The following PTK6 variants were observed in gnomAD, a reference collection of about 807,000 sequenced individuals.
The protein encoded by PTK6 is protein tyrosine kinase 6.
Under a neutral mutation model 47.5 loss-of-function variants are expected in PTK6, and 47 were observed. The ratio of observed to expected loss-of-function variants is 0.99; its 90% CI spans 0.78 to 1.26. The LOEUF is 1.26. Ranked by LOEUF, PTK6 falls within the 50% of genes most tolerant of loss-of-function variation. The pLI, the probability that PTK6 is intolerant of heterozygous loss-of-function variation, is 0.00. For synonymous variants in PTK6, 287 were observed against 276.5 expected (o/e 1.04, Z -0.38); for missense variants, 618 against 625.3 (o/e 0.99, Z 0.12).
At position 63,529,972 on chromosome 20, in the gene PTK6, G is replaced by A; in HGVS notation, c.1168+106C>T. 1.4e-6 allele frequency: 2 copies of A among 1,393,676 alleles called. No homozygotes were observed. The highest frequency in any genetic ancestry group is 2.0e-6 in the Non-Finnish European group (2 of 1,020,876). 86.3% of individuals were successfully genotyped at this position (1,393,676 alleles called of 1,614,324 possible). A position where few individuals can be genotyped will look rare whatever the true frequency, so the allele number is the denominator to read the frequency against. On this transcript the variant is annotated intron_variant, in intron 7 of 7. Transcript: ENST00000542869. This position sits in a 1 kb window ranked among gnomAD's most constrained non-coding sequence, Gnocchi z 5.6. ...TGGAGTTCAGGCGATGGCCCGCGGA[G>A]GGCCCTGAAGCCCGTGGGGGAGGCA... is the stretch of plus-strand genomic sequence containing the variant.
In PTK6 at chr20:63,529,478, A is replaced by G; in HGVS notation, c.*58T>C. ...GCGCGTGGGCCTTGATCCCAGGTCC[A>G]GGCCCTCTGCCCAGGCCCCTCCTCA... On this transcript the variant is annotated 3_prime_UTR_variant, in exon 8 of 8. Transcript: ENST00000542869. The surrounding 1 kb of genome is among the most constrained non-coding windows in gnomAD (Gnocchi z 5.6). 1 of 1,467,540 alleles carries G rather than the reference A, an allele frequency of 6.8e-7. No homozygotes were observed. The highest frequency in any genetic ancestry group is 9.0e-7 in the Non-Finnish European group (1 of 1,107,468). The allele number at this position is 1,467,540 out of a possible 1,614,324, so 90.9% of individuals were successfully genotyped here.
chr20:63,534,181 C>T lies in PTK6; in HGVS notation c.487G>A (p.Gly163Ser), dbSNP rs756347319. The T allele has an allele frequency of 1.3e-4, 207 of 1,564,844 alleles. No individual in the cohort carries two copies. The highest frequency in any genetic ancestry group is 1.6e-4 in the Non-Finnish European group (186 of 1,156,098). Residue 163 changes from glycine to serine, a missense_variant, in exon 3 of 8, where the codon GGC becomes AGC. Coordinates refer to ENST00000542869, the MANE Select transcript of PTK6 (RefSeq NM_005975.4). ...NYHRAQSLSH[G>S]LRLAAPCRKH... is the part of the protein sequence containing the mutation. ...CGGCAGGGCGCGGCCAGCCGCAGGC[C>T]GTGGGACAGGCTCTGGGCCCTGTGG...
chr20:63,528,218 C>T lies in PTK6; in HGVS notation c.*1318G>A, dbSNP rs1025058396. On this transcript the variant is annotated 3_prime_UTR_variant, in exon 8 of 8. Coordinates refer to ENST00000542869, the MANE Select transcript of PTK6 (RefSeq NM_005975.4). ...AGTTTCTGCAACATTCATATCAAAACCAAACCCGTAAATAGAACCTCCAGA... is the reference window on the plus strand; with the variant it reads ...AGTTTCTGCAACATTCATATCAAAATCAAACCCGTAAATAGAACCTCCAGA... 1 of 152,112 alleles carries T rather than the reference C, an allele frequency of 6.6e-6. No individual in the cohort carries two copies. Among genetic ancestry groups the T allele is most frequent in the African/African-American group, 2.4e-5 (1 of 41,412 alleles). 9.4% of individuals were successfully genotyped at this position (152,112 alleles called of 1,614,324 possible).
chr20:63,530,456 G>C lies in PTK6; in HGVS notation c.1015-225C>G, dbSNP rs1393796513. Among the ~76,000 whole-genome samples, 4 of 152,220 alleles carry C rather than the reference G, an allele frequency of 2.6e-5. No homozygotes were observed. The highest frequency in any genetic ancestry group is 5.9e-5 in the Non-Finnish European group (4 of 68,024). ...TGTGTGGGGACCGGAGGGCCCGGGG[G>C]ACAGGGAACTGGGAGGCTCCCAGGC... On this transcript the variant is annotated intron_variant, in intron 6 of 7. Transcript: ENST00000542869. This position sits in a 1 kb window ranked among gnomAD's most constrained non-coding sequence, Gnocchi z 4.1.
In PTK6 at chr20:63,534,300, G is replaced by T; in HGVS notation, c.368C>A (p.Ala123Asp). The change falls in exon 3 of 8, where the codon GCT (alanine) becomes GAT (aspartate). Residue 123 changes from alanine (A) to aspartate (D), a missense_variant. Coordinates refer to ENST00000542869, the MANE Select transcript of PTK6 (RefSeq NM_005975.4). The part of the protein sequence containing the change: ...DYVLSVRDTQ[A>D]VRHYKIWRRA... ...CCGCCAGATCTTGTAGTGCCGCACA[G>T]CCTGCGTGTCCCGCACTGGGAGGGA... is the stretch of plus-strand genomic sequence containing the variant. The T allele has an allele frequency of 6.2e-7, 1 of 1,605,544 alleles. No individual in the cohort carries two copies. Among genetic ancestry groups the T allele is most frequent in the South Asian group, 1.1e-5 (1 of 89,852 alleles).
chr20:63,532,395 G>T (rs1161996474), intron 5 of PTK6, 131 bp downstream of exon 5: 6 of 1,188,112 alleles, frequency 5.1e-6, no homozygotes, highest in Non-Finnish European at 7.0e-6. Flanking sequence ...CTGTGTCTGT[G>T]TGTGCATGTG....
At chr20:63,535,479 G>A (rs960043677) in intron 1 of PTK6, among the ~76,000 whole-genome samples, 1 of 152,034 alleles carries the variant, frequency 6.6e-6, no homozygotes, top group African/African-American at 2.4e-5. Flanking sequence ...ACGCGCATGT[G>A]TGCTCACTTG....
chr20:63,532,764 C>A (rs987008605), intron 4 of PTK6, 77 bp from the exon 5 acceptor site: 7 of 1,533,612 alleles, frequency 4.6e-6, no homozygotes, highest in East Asian at 2.3e-5. Flanking sequence ...GCCCTGCCCC[C>A]ACACACAGCA....
chr20:63,534,255 T>C lies in PTK6; in HGVS notation c.413A>G (p.His138Arg), dbSNP rs757424832. 1 of 1,607,940 alleles carries C rather than the reference T, an allele frequency of 6.2e-7. No individual in the cohort carries two copies. Among genetic ancestry groups the C allele is most frequent in the South Asian group, 1.1e-5 (1 of 90,026 alleles). Residue 138 changes from histidine to arginine, a missense_variant, in exon 3 of 8, where the codon CAC becomes CGC. Transcript: ENST00000542869. ...GAGGAAGGACACCGCCTCGTTCAGG[T>C]GCAGCCGGCCCCCGGCACGCCGCCA... ...KIWRRAGGRL[H>R]LNEAVSFLSL...
Position 63,533,718 on chromosome 20 carries a change from C to T in PTK6, c.517-14G>A, listed in dbSNP as rs745712160. ...CTCAGGCTCGTGCTGGAGGAAGAGT[C>T]GGGGACACAGGGCAGGGGCTCATCC... On this transcript the variant is annotated splice_polypyrimidine_tract_variant and intron_variant, in intron 3 of 7. Coordinates refer to ENST00000542869, the MANE Select transcript of PTK6 (RefSeq NM_005975.4). The surrounding 1 kb of genome is among the most constrained non-coding windows in gnomAD (Gnocchi z 4.0). The T allele has an allele frequency of 5.0e-6, 8 of 1,608,322 alleles. No homozygotes were observed. The highest frequency in any genetic ancestry group is 1.7e-4 in the Middle Eastern group (1 of 6,060).
chr20:63,532,419 CTG>C (rs1408587275), intron 5 of PTK6, 105 bp downstream of exon 5: 21 of 1,380,518 alleles, frequency 1.5e-5, no homozygotes, highest in Non-Finnish European at 2.1e-5. Context: ...GTCTGTGTGT[CTG>C]TGTGTCTACG....
At chr20:63,534,914 C>T (rs1292396164) in intron 2 of PTK6, 24 bp downstream of exon 2, 7 of 1,578,608 alleles carry the variant, frequency 4.4e-6, no homozygotes, top group Non-Finnish European at 6.0e-6. Context: ...CAGGCAAGCA[C>T]AGGCTCGGAG....
In PTK6 at chr20:63,530,261, TG is replaced by T; in HGVS notation, c.1015-31del. On this transcript the variant is annotated intron_variant, in intron 6 of 7. Transcript: ENST00000542869. This position sits in a 1 kb window ranked among gnomAD's most constrained non-coding sequence, Gnocchi z 4.1. ...AATCAGCCTGGAGCTGAGTGGGCCG[TG>T]GGGGCTGCCTGTGCCCTGCCCCCGA... 1 of 1,609,904 alleles carries T rather than the reference TG, an allele frequency of 6.2e-7. No individual in the cohort carries two copies. The highest frequency in any genetic ancestry group is 8.5e-7 in the Non-Finnish European group (1 of 1,177,140).
rs1220032114 is a variant in PTK6 at position 63,532,527 on chromosome 20, G to A, written c.831C>T (p.Arg277=). Residue 277 remains arginine, a splice_region_variant and synonymous_variant, in exon 5 of 8, where the codon CGC becomes CGT. Coordinates refer to ENST00000542869, the MANE Select transcript of PTK6 (RefSeq NM_005975.4). ...MAKGSLLELL[R]DSDEKVLPVS... is the part of the protein sequence containing the mutation. Reference sequence around the variant, plus strand: ...AGAGCCCCGGCCCATGCCACTCACCGCGGAGCAGCTCCAGCAGGCTGCCCT... The same window carrying A: ...AGAGCCCCGGCCCATGCCACTCACCACGGAGCAGCTCCAGCAGGCTGCCCT... 26 of 1,609,368 alleles carry A rather than the reference G, an allele frequency of 1.6e-5. No homozygotes were observed. The highest frequency in any genetic ancestry group is 3.3e-5 in the South Asian group (3 of 90,918).
rs1390571153 is a variant in PTK6, at chr20:63,535,770, CCCCTCACCTGGCCTCCCGCCCCCT to C, written c.231-735_231-712del. Among the ~76,000 whole-genome samples, 107 of 121,662 alleles carry C rather than the reference CCCCTCACCTGGCCTCCCGCCCCCT, an allele frequency of 8.8e-4. 4 individuals carry two copies. The highest frequency in any genetic ancestry group is 3.8e-3 in the African/African-American group (100 of 26,644). 79.8% of individuals were successfully genotyped at this position (121,662 alleles called of 152,430 possible). On this transcript the variant is annotated intron_variant, in intron 1 of 7. Coordinates refer to ENST00000542869, the MANE Select transcript of PTK6 (RefSeq NM_005975.4). ...TCCAACCACCTGGCCTCCCGCCCCC[CCCCTCACCTGGCCTCCCGCCCCCT>C]CCTCACCTGGCCTCCCGCCCCCTCC...
chr20:63,536,309 G>C (rs1216381509), intron 1 of PTK6, among the ~76,000 whole-genome samples: 4 of 145,546 alleles, frequency 2.7e-5, no homozygotes, highest in African/African-American at 1.0e-4. Flanking sequence ...ACGAGGTCGT[G>C]GGTCTGCGCG....
At position 63,529,571 on chromosome 20, in the gene PTK6, G is replaced by C. The variant is rs115907462; in HGVS notation, c.1321C>G (p.Leu441Val). The change falls in exon 8 of 8, where the codon CTC becomes GTC. Residue 441 changes from leucine (L) to valine (V), a missense_variant. Coordinates refer to ENST00000542869, the MANE Select transcript of PTK6 (RefSeq NM_005975.4). This position sits in a 1 kb window ranked among gnomAD's most constrained non-coding sequence, Gnocchi z 5.6. ...TTCTCGTAGCTGGTGAAGCTGGAGAGCCTCTCCCGCAGGGCCTTGAAGCAG... is the reference window on the plus strand; with the variant it reads ...TTCTCGTAGCTGGTGAAGCTGGAGACCCTCTCCCGCAGGGCCTTGAAGCAG... ...RPCFKALRER[L>V]SSFTSYENPT 6.3e-7 allele frequency: 1 copy of C among 1,575,352 alleles called. No individual in the cohort carries two copies. Among genetic ancestry groups the C allele is most frequent in the African/African-American group, 1.3e-5 (1 of 74,194 alleles).
At chr20:63,535,192 T>TCCTGAGA in intron 1 of PTK6, 133 bp from the exon 2 acceptor site, 1 of 1,300,030 alleles carries the variant, frequency 7.7e-7, no homozygotes, top group Non-Finnish European at 1.0e-6. Context: ...TGACCACAGC[T>TCCTGAGA]GCTCTCAGGA....
rs2082588933 is a variant in PTK6, at chr20:63,528,096, A to G, written c.*1440T>C. The G allele has an allele frequency of 6.6e-6, 1 of 152,254 alleles. No homozygotes were observed. Among genetic ancestry groups the G allele is most frequent in the Non-Finnish European group, 1.5e-5 (1 of 68,044 alleles). 9.4% of individuals were successfully genotyped at this position (152,254 alleles called of 1,614,324 possible). On this transcript the variant is annotated 3_prime_UTR_variant, in exon 8 of 8. Transcript: ENST00000542869. ...GCAGCATTTTAATGTAATAACCAAAATTATGACTGATAACATTGCACCAGA... is the reference window on the plus strand; with the variant it reads ...GCAGCATTTTAATGTAATAACCAAAGTTATGACTGATAACATTGCACCAGA...
Sources: gnomAD v4.1 joint callset for allele counts (sites outside exome capture counted in the v4.1 genomes callset) on GRCh38, gnomAD v4.1.1 for gene constraint, Gnocchi (gnomAD v3.1) non-coding constraint, MANE v1.5 for transcripts, NCBI Gene and HGNC (gene_info 2026-07-23, HGNC 2026-07-21) for gene names.